Variants in OCA2 observed in about 807,000 individuals in gnomAD.
OCA2 encodes P protein.
OCA2 carries 77 observed loss-of-function variants against 100.2 expected under a neutral mutation model. That is an observed-to-expected ratio of 0.77 (90% CI 0.64 to 0.93). The LOEUF (loss-of-function observed/expected upper bound fraction) is 0.93, where lower values mean the gene tolerates loss of function less well. Among genes scored for constraint, OCA2 ranks in the 40% least tolerant of loss-of-function variants. The probability of loss-of-function intolerance (pLI) is 0.00; values close to 1 mark genes in which losing one functional copy is unlikely to be tolerated. For synonymous variants in OCA2, 432 were observed against 439.2 expected, an observed-to-expected ratio of 0.98 and a Z score of 0.21; for missense variants, 1,062 against 1,089.1, an observed-to-expected ratio of 0.98 and a Z score of 0.35.
intron 18 of OCA2, among the ~76,000 whole-genome samples, chr15:27,926,699 T>G (rs760036451): frequency 3.3e-5 from 5 of 152,100 alleles, no homozygotes; most frequent in Non-Finnish European, 5.9e-5. Flanking sequence ...CACTGCAACC[T>G]CCACCTCCCA....
Position 28,073,044 on chromosome 15 carries a change from C to A in OCA2, c.227+8604G>T, listed in dbSNP as rs531905854. Among the ~76,000 whole-genome samples, 8 of 152,292 alleles carry A rather than the reference C, an allele frequency of 5.3e-5. 1 individual carries two copies. The South Asian group carries it at 1.7e-3, about 32-fold the overall frequency. On this transcript the variant is annotated intron_variant, in intron 2 of 23. Coordinates refer to ENST00000354638, the MANE Select transcript of OCA2 (RefSeq NM_000275.3). ...TAATAACAAAAACATGGAACCAACCCAGGTGTCCATCAATGCTAGACTGGA... is the reference window on the plus strand; with the variant it reads ...TAATAACAAAAACATGGAACCAACCAAGGTGTCCATCAATGCTAGACTGGA...
intron 9 of OCA2, among the ~76,000 whole-genome samples, chr15:28,012,951 A>C: frequency 6.6e-6 from 1 of 152,204 alleles, no homozygotes; most frequent in East Asian, 1.9e-4. Flanking sequence ...CATTACTAAG[A>C]AAGTTGATCA....
chr15:27,731,749 G>A, the OCA2 span, among the ~76,000 whole-genome samples: 4 of 152,330 alleles, frequency 2.6e-5, no homozygotes, highest in Non-Finnish European at 5.9e-5. Flanking sequence ...CAGGTGCCGT[G>A]TGTTCACAGG....
intron 23 of OCA2, among the ~76,000 whole-genome samples, chr15:27,806,144 C>T (rs2033836470): frequency 1.3e-5 from 2 of 152,116 alleles, no homozygotes; most frequent in South Asian, 4.1e-4. Context: ...AAGGCGAGGG[C>T]TCTGATGCTC....
chr15:27,951,279 G>A (rs75650757), intron 18 of OCA2, among the ~76,000 whole-genome samples: 1,539 of 152,294 alleles, frequency 0.01, 28 homozygotes, highest in African/African-American at 0.035. Flanking sequence ...AACCAATGGT[G>A]GACGGTGGGA....
intron 12 of OCA2, 133 bp downstream of exon 12, chr15:27,986,454 G>T (rs1395639939): frequency 1.8e-5 from 13 of 703,600 alleles, no homozygotes; most frequent in Non-Finnish European, 3.2e-5. Flanking sequence ...CTGCCCTGCA[G>T]AAGCAACCTT....
At chr15:28,019,252 G>A (rs1305927474) in intron 6 of OCA2, among the ~76,000 whole-genome samples, 1 of 151,976 alleles carries the variant, frequency 6.6e-6, no homozygotes, top group Non-Finnish European at 1.5e-5. Context: ...GGAGAATGGG[G>A]AGAAGGGAGG....
chr15:27,791,442 G>A (rs1308096150), intron 23 of OCA2, among the ~76,000 whole-genome samples: 1 of 152,146 alleles, frequency 6.6e-6, no homozygotes, highest in Non-Finnish European at 1.5e-5. Context: ...ATGAAATTCT[G>A]GTGAAGGCAA....
chr15:27,988,941 TG>T (rs1037274104), intron 11 of OCA2, among the ~76,000 whole-genome samples: 1 of 152,080 alleles, frequency 6.6e-6, no homozygotes, highest in Non-Finnish European at 1.5e-5. Flanking sequence ...GCAAGGAAAA[TG>T]AGGATCTATC....
chr15:28,042,066 A>G (rs990613104), intron 2 of OCA2, among the ~76,000 whole-genome samples: 2 of 152,224 alleles, frequency 1.3e-5, no homozygotes, highest in Non-Finnish European at 1.5e-5. Flanking sequence ...TGTAAAAACT[A>G]AACTTCATAA....
intron 9 of OCA2, among the ~76,000 whole-genome samples, chr15:28,004,539 C>A (rs2042031307): frequency 6.6e-6 from 1 of 151,626 alleles, no homozygotes; most frequent in Non-Finnish European, 1.5e-5. Context: ...CTCACACTCA[C>A]CCTCCCTCAC....
chr15:28,001,141 T>G (rs12592367), intron 9 of OCA2, among the ~76,000 whole-genome samples: 91,702 of 152,006 alleles, frequency 0.6, 31,855 homozygotes, highest in Non-Finnish European at 0.8. Context: ...GAATCTCAAG[T>G]AGATATCTGT....
At chr15:27,766,041 C>T (rs908739560) in intron 23 of OCA2, among the ~76,000 whole-genome samples, 2 of 152,146 alleles carry the variant, frequency 1.3e-5, no homozygotes, top group African/African-American at 4.8e-5. Context: ...GATGGAGTCG[C>T]TCTGGTTCAG....
At chr15:27,897,849 C>T (rs930301437) in intron 19 of OCA2, among the ~76,000 whole-genome samples, 2 of 152,216 alleles carry the variant, frequency 1.3e-5, no homozygotes, top group Non-Finnish European at 1.5e-5. Flanking sequence ...AGGCTGTACC[C>T]TGCAGAGCCA....
chr15:27,872,024 G>A (rs1038795985), intron 19 of OCA2, 102 bp from the exon 20 acceptor site: 1 of 833,056 alleles, frequency 1.2e-6, no homozygotes, highest in Non-Finnish European at 2.1e-6. Context: ...CATAAGGTAG[G>A]CCCAGATTCC....
chr15:27,990,275 C>G (rs2041508424), intron 10 of OCA2, among the ~76,000 whole-genome samples: 1 of 152,164 alleles, frequency 6.6e-6, no homozygotes, highest in Admixed American at 6.5e-5. Flanking sequence ...GTTCCAACAC[C>G]CAGATCCAGC....
intron 23 of OCA2, among the ~76,000 whole-genome samples, chr15:27,815,655 G>A (rs1019236253): frequency 4.1e-4 from 63 of 152,182 alleles, no homozygotes; most frequent in African/African-American, 1.3e-3. Context: ...AACAGATCGC[G>A]TGAAATAAAC....
intron 19 of OCA2, among the ~76,000 whole-genome samples, chr15:27,913,887 G>GAAAGAAAAAC (rs1567098295): frequency 2.0e-5 from 1 of 48,876 alleles, no homozygotes; most frequent in African/African-American, 9.2e-5. Context: ...AAGAAAGAAA[G>GAAAGAAAAAC]AAAGAAAGCA....
chr15:27,901,499 C>T (rs1245297843), intron 19 of OCA2, among the ~76,000 whole-genome samples: 4 of 152,168 alleles, frequency 2.6e-5, no homozygotes, highest in Admixed American at 2.0e-4. Context: ...CCCATGAGGT[C>T]GTGGCCTCTT....
Sources: gnomAD v4.1 joint callset for allele counts (sites outside exome capture counted in the v4.1 genomes callset) on GRCh38, gnomAD v4.1.1 for gene constraint, MANE v1.5 for transcripts, NCBI Gene and HGNC (gene_info 2026-07-23, HGNC 2026-07-21) for gene names.